Variants in KCNC2 observed in about 807,000 individuals in gnomAD.
The protein encoded by KCNC2 is voltage-gated potassium channel KCNC2.
A neutral mutation model predicts 44.5 loss-of-function variants in KCNC2; 21 were observed. The ratio of observed to expected loss-of-function variants is 0.47; its 90% CI spans 0.33 to 0.68. The LOEUF (loss-of-function observed/expected upper bound fraction) is 0.68. KCNC2 is among the 30% of genes least tolerant of loss of function. The pLI is 0.01. For synonymous variants in KCNC2, 391 were observed against 339.1 expected (o/e 1.15, Z -1.68); for missense variants, 589 against 826.2 (o/e 0.71, Z 3.52).
At chr12:75,204,631 C>G (rs1049066994) in intron 2 of KCNC2, among the ~76,000 whole-genome samples, 3 of 152,034 alleles carry the variant, frequency 2.0e-5, no homozygotes, top group Admixed American at 6.5e-5. Flanking sequence ...CTGAAGCAAA[C>G]CACTTGATAA....
At chr12:75,176,327 A>G (rs1433820400) in intron 2 of KCNC2, among the ~76,000 whole-genome samples, 1 of 151,942 alleles carries the variant, frequency 6.6e-6, no homozygotes, top group East Asian at 1.9e-4. Flanking sequence ...CACCTCCACA[A>G]CGTCCTCCCT....
chr12:75,110,689 T>C (rs1887163579), intron 2 of KCNC2, among the ~76,000 whole-genome samples: 1 of 152,136 alleles, frequency 6.6e-6, no homozygotes, highest in South Asian at 2.1e-4. Context: ...GGTGTTCTAA[T>C]TATGGATTCT....
chr12:75,145,547 A>G (rs75860717), intron 2 of KCNC2, among the ~76,000 whole-genome samples: 17,088 of 151,534 alleles, frequency 0.11, 1,083 homozygotes, highest in African/African-American at 0.16. Context: ...ATCTTATTTT[A>G]TATGACCCCG....
At chr12:75,136,998 T>G (rs1311879657) in intron 2 of KCNC2, among the ~76,000 whole-genome samples, 1 of 152,158 alleles carries the variant, frequency 6.6e-6, no homozygotes, top group Non-Finnish European at 1.5e-5. Context: ...TATAACCTGC[T>G]CTATTTTCCT....
chr12:75,188,789 T>C (rs1211962550), intron 2 of KCNC2, among the ~76,000 whole-genome samples: 3 of 151,078 alleles, frequency 2.0e-5, no homozygotes, highest in Non-Finnish European at 4.4e-5. Flanking sequence ...GAACCCGGAG[T>C]TGGAGGATGC....
chr12:75,155,484 T>A (rs1057490848), intron 2 of KCNC2, among the ~76,000 whole-genome samples: 16 of 151,830 alleles, frequency 1.1e-4, no homozygotes, highest in African/African-American at 3.9e-4. Context: ...AGTACAAGCA[T>A]GATTGTACTG....
intron 2 of KCNC2, among the ~76,000 whole-genome samples, chr12:75,161,519 T>C (rs1281763824): frequency 6.6e-6 from 1 of 151,744 alleles, no homozygotes; most frequent in Admixed American, 6.6e-5. Context: ...TTTAACAACA[T>C]GAAATTAAAC....
intron 2 of KCNC2, among the ~76,000 whole-genome samples, chr12:75,052,083 C>T (rs895254867): frequency 6.6e-6 from 1 of 151,942 alleles, no homozygotes; most frequent in African/African-American, 2.4e-5. Flanking sequence ...TATATGACTA[C>T]ACACACACAC....
At chr12:75,082,121 A>G (rs1422891085) in intron 2 of KCNC2, among the ~76,000 whole-genome samples, 1 of 148,390 alleles carries the variant, frequency 6.7e-6, no homozygotes, top group Non-Finnish European at 1.5e-5. Flanking sequence ...GTGAATATCA[A>G]TTAAAGCACT....
intron 2 of KCNC2, among the ~76,000 whole-genome samples, chr12:75,079,256 A>G (rs1257884308): frequency 6.6e-6 from 1 of 152,096 alleles, no homozygotes; most frequent in Non-Finnish European, 1.5e-5. Context: ...GGAACCTTTG[A>G]TCTTTCATAA....
intron 2 of KCNC2, among the ~76,000 whole-genome samples, chr12:75,199,487 T>C (rs1300124926): frequency 6.6e-6 from 1 of 151,922 alleles, no homozygotes; most frequent in Non-Finnish European, 1.5e-5. Context: ...TTCTTCTGCT[T>C]TGATTTCTAT....
chr12:75,066,718 G>A (rs1440008718), intron 2 of KCNC2, among the ~76,000 whole-genome samples: 1 of 152,022 alleles, frequency 6.6e-6, no homozygotes, highest in Non-Finnish European at 1.5e-5. Flanking sequence ...TCTTACTAAT[G>A]AATTACAAAT....
intron 2 of KCNC2, among the ~76,000 whole-genome samples, chr12:75,086,831 G>A (rs1286010732): frequency 6.6e-6 from 1 of 151,732 alleles, no homozygotes; most frequent in East Asian, 1.9e-4. Flanking sequence ...GTTACATTCT[G>A]AGTTAAGAGG....
chr12:75,048,589 T>C (rs551087500), intron 3 of KCNC2, among the ~76,000 whole-genome samples: 2 of 152,258 alleles, frequency 1.3e-5, no homozygotes, highest in East Asian at 1.9e-4. Flanking sequence ...ACGACTAATA[T>C]GAATTCAAAA....
intron 2 of KCNC2, among the ~76,000 whole-genome samples, chr12:75,059,484 A>T (rs970368466): frequency 6.6e-6 from 1 of 152,164 alleles, no homozygotes; most frequent in Admixed American, 6.6e-5. Flanking sequence ...TTGTCTATTA[A>T]GCAAGATATA....
Position 75,042,536 on chromosome 12 carries a change from G to A in KCNC2, c.*569C>T, listed in dbSNP as rs1880028657. The A allele has an allele frequency of 7.1e-7, 1 of 1,412,688 alleles. No homozygotes were observed. Among genetic ancestry groups the A allele is most frequent in the Non-Finnish European group, 9.2e-7 (1 of 1,087,682 alleles). 87.5% of individuals were successfully genotyped at this position (1,412,688 alleles called of 1,614,324 possible). On this transcript the variant is annotated 3_prime_UTR_variant, in exon 5 of 5. Transcript: ENST00000549446. ...CCCTCCCTGCCCCACAATTCAACAT[G>A]CAGAACAGTCGACCAATGCTTTCAT...
intron 2 of KCNC2, among the ~76,000 whole-genome samples, chr12:75,181,916 CTTTTTTTTTTTTTTTTTTTTTTTTTT>C (rs61089425): frequency 4.2e-5 from 2 of 47,840 alleles, no homozygotes; most frequent in Non-Finnish European, 7.9e-5. Context: ...TAATATCTTC[CTTTTTTTTTTTTTTTTTTTTTTTTTT>C]TTTTTTTTTT....
intron 2 of KCNC2, among the ~76,000 whole-genome samples, chr12:75,141,271 T>C (rs1364474862): frequency 6.6e-6 from 1 of 152,180 alleles, no homozygotes; most frequent in Non-Finnish European, 1.5e-5. Context: ...CTCTAGGGAG[T>C]GAGGCTTCTT....
At chr12:75,150,385 A>G (rs375303758) in intron 2 of KCNC2, among the ~76,000 whole-genome samples, 1 of 151,892 alleles carries the variant, frequency 6.6e-6, no homozygotes, top group East Asian at 1.9e-4. Context: ...CCTCCAGACT[A>G]GAACCATCAT....
Sources: gnomAD v4.1 joint callset for allele counts (sites outside exome capture counted in the v4.1 genomes callset) on GRCh38, gnomAD v4.1.1 for gene constraint, MANE v1.5 for transcripts, NCBI Gene and HGNC (gene_info 2026-07-23, HGNC 2026-07-21) for gene names.